The following PRELID2 variants were observed in gnomAD, a reference collection of about 807,000 sequenced individuals.
PRELID2 encodes PRELI domain-containing protein 2.
In PRELID2, 25 loss-of-function variants were observed where a neutral mutation model predicts 28.4. The ratio of observed to expected loss-of-function variants is 0.88; its 90% CI spans 0.64 to 1.23. The LOEUF is 1.23. PRELID2 is among the 50% of genes most tolerant of loss of function. The pLI is 0.00. For missense variants in PRELID2, 201 were observed against 214.4 expected, an observed-to-expected ratio of 0.94 and a Z score of 0.39; for synonymous variants, 76 against 71.6, an observed-to-expected ratio of 1.06 and a Z score of -0.31.
intron 1 of PRELID2, among the ~76,000 whole-genome samples, chr5:145,700,537 G>A (rs6874075): frequency 4.9e-4 from 73 of 150,088 alleles, no homozygotes; most frequent in African/African-American, 1.8e-3. Flanking sequence ...AGCAACAAAA[G>A]GGTTAATAAC....
chr5:145,254,163 A>G, the PRELID2 span, among the ~76,000 whole-genome samples: 1 of 152,174 alleles, frequency 6.6e-6, no homozygotes, highest in Non-Finnish European at 1.5e-5. Flanking sequence ...TACAAAATTC[A>G]TGAATAATGA....
rs533705615 is a variant in PRELID2 at position 145,608,693 on chromosome 5, T to C, written n.71-135378A>G. On this transcript the variant is annotated intron_variant and non_coding_transcript_variant, in intron 1 of 2. Coordinates refer to the PRELID2 transcript ENST00000510259. Reference sequence around the variant, plus strand: ...AATATTTTTTCTTTCATTTCAACCTTGGAGAATCTGATGACTATGTGTCTT... The same window carrying C: ...AATATTTTTTCTTTCATTTCAACCTCGGAGAATCTGATGACTATGTGTCTT... Among the ~76,000 whole-genome samples the C allele has an allele frequency of 1.4e-3, 208 of 152,300 alleles. 1 individual carries two copies. The highest frequency in any genetic ancestry group is 4.8e-3 in the African/African-American group (199 of 41,564).
chr5:145,556,084 A>C (rs1259687643), intron 1 of PRELID2, among the ~76,000 whole-genome samples: 4 of 150,874 alleles, frequency 2.7e-5, no homozygotes, highest in Admixed American at 2.6e-4. Flanking sequence ...AGGCTGAGGC[A>C]GGAGAATTGC....
chr5:145,464,895 G>T, the PRELID2 span, among the ~76,000 whole-genome samples: 392 of 152,076 alleles, frequency 2.6e-3, 2 homozygotes, highest in African/African-American at 8.7e-3. Context: ...CCAACAGGGG[G>T]GACTGGGGTA....
chr5:145,394,957 C>T, the PRELID2 span, among the ~76,000 whole-genome samples: 26 of 152,176 alleles, frequency 1.7e-4, no homozygotes, highest in African/African-American at 5.1e-4. Context: ...ATGGTTATTA[C>T]GTATTTTGGG....
the PRELID2 span, among the ~76,000 whole-genome samples, chr5:145,265,626 G>A: frequency 6.6e-6 from 1 of 152,122 alleles, no homozygotes; most frequent in Non-Finnish European, 1.5e-5. Flanking sequence ...TAGGCATATA[G>A]ACCAATGAAA....
the PRELID2 span, among the ~76,000 whole-genome samples, chr5:145,330,229 A>G: frequency 4.0e-3 from 607 of 152,120 alleles, 4 homozygotes; most frequent in Non-Finnish European, 4.9e-3. Flanking sequence ...TTGACCTGAA[A>G]TTTTCTTCTG....
chr5:145,384,519 G>C, the PRELID2 span, among the ~76,000 whole-genome samples: 3 of 152,142 alleles, frequency 2.0e-5, no homozygotes, highest in African/African-American at 7.2e-5. Context: ...GTTTCATACT[G>C]TATGATTCCA....
chr5:145,582,600 G>A (rs1753116670), intron 1 of PRELID2, among the ~76,000 whole-genome samples: 1 of 151,798 alleles, frequency 6.6e-6, no homozygotes, highest in South Asian at 2.1e-4. Flanking sequence ...GATACAATCA[G>A]AAATAATGAG....
chr5:145,765,570 C>G (rs1757696849), intron 5 of PRELID2, among the ~76,000 whole-genome samples: 1 of 152,112 alleles, frequency 6.6e-6, no homozygotes, highest in African/African-American at 2.4e-5. Context: ...CTGGTATGTA[C>G]AGCGGTATAA....
chr5:145,489,443 C>T (rs1752248714), intron 1 of PRELID2, among the ~76,000 whole-genome samples: 1 of 152,106 alleles, frequency 6.6e-6, no homozygotes, highest in Non-Finnish European at 1.5e-5. Context: ...AGATTCCTGA[C>T]AACTTAAATA....
chr5:145,429,661 A>G, the PRELID2 span, among the ~76,000 whole-genome samples: 1 of 152,228 alleles, frequency 6.6e-6, no homozygotes, highest in Non-Finnish European at 1.5e-5. Flanking sequence ...AACCTAGTTC[A>G]TTATGTATTT....
downstream of PRELID2, among the ~76,000 whole-genome samples, chr5:145,754,549 C>T (rs1037938590): frequency 6.6e-6 from 1 of 152,114 alleles, no homozygotes; most frequent in Admixed American, 6.5e-5. Flanking sequence ...TAAACTCATA[C>T]TAAGTTGTTA....
chr5:145,449,608 G>T, the PRELID2 span, among the ~76,000 whole-genome samples: 2 of 152,042 alleles, frequency 1.3e-5, no homozygotes, highest in African/African-American at 2.4e-5. Flanking sequence ...TCCCATTTAG[G>T]ACCACAGGTT....
At chr5:145,704,448 T>G (rs974427722) in intron 1 of PRELID2, among the ~76,000 whole-genome samples, 4 of 152,242 alleles carry the variant, frequency 2.6e-5, no homozygotes, top group African/African-American at 9.6e-5. Flanking sequence ...AGCAACAGTC[T>G]GGTGTACTCA....
Position 145,543,784 on chromosome 5 carries a change from C to T in PRELID2, n.71-70469G>A, listed in dbSNP as rs139474556. On this transcript the variant is annotated intron_variant and non_coding_transcript_variant, in intron 1 of 2. Transcript: ENST00000510259. Reference sequence around the variant, plus strand: ...GGAAACCTTGACTATCAGTAATTGTCGCATTTGGAGGCCATCTAGAAAGAA... The same window carrying T: ...GGAAACCTTGACTATCAGTAATTGTTGCATTTGGAGGCCATCTAGAAAGAA... Among the ~76,000 whole-genome samples, 822 of 152,122 alleles carry T rather than the reference C, an allele frequency of 5.4e-3. 6 individuals carry two copies. Among genetic ancestry groups the T allele is most frequent in the African/African-American group, 0.019 (792 of 41,524 alleles).
intron 1 of PRELID2, among the ~76,000 whole-genome samples, chr5:145,545,090 G>A (rs181239815): frequency 1.3e-3 from 201 of 152,174 alleles, no homozygotes; most frequent in Middle Eastern, 3.4e-3. Context: ...TTGTAAATCA[G>A]GTCAATAAAT....
chr5:145,627,096 CCAAAAAAAAAAAAAAAAAAAAAAAAAA>C (rs1753857279), intron 1 of PRELID2, among the ~76,000 whole-genome samples: 1 of 32,050 alleles, frequency 3.1e-5, no homozygotes, highest in Non-Finnish European at 5.6e-5. Flanking sequence ...TAAGACTCTC[CCAAAAAAAAAAAAAAAAAAAAAAAAAA>C]AAAAAAAAAA....
At chr5:145,334,566 C>A in the PRELID2 span, among the ~76,000 whole-genome samples, 2 of 152,116 alleles carry the variant, frequency 1.3e-5, no homozygotes, top group Non-Finnish European at 1.5e-5. Context: ...TGACTATATA[C>A]TTGTATCAGT....
Sources: gnomAD v4.1 joint callset for allele counts (sites outside exome capture counted in the v4.1 genomes callset) on GRCh38, gnomAD v4.1.1 for gene constraint, MANE v1.5 for transcripts, NCBI Gene and HGNC (gene_info 2026-07-23, HGNC 2026-07-21) for gene names.